FBH1: variants seen among roughly 807,000 people sequenced by gnomAD.
FBH1 encodes DNA 3'-5' helicase 1.
A neutral mutation model predicts 115.5 loss-of-function variants in FBH1; 43 were observed. That is an observed-to-expected ratio of 0.37 (90% CI 0.29 to 0.48). The LOEUF (loss-of-function observed/expected upper bound fraction) is 0.48, where lower values mean the gene tolerates loss of function less well. FBH1 is among the 20% of genes least tolerant of loss of function. FBH1 has a pLI of 0.99. For missense variants in FBH1, 1,001 were observed against 1,337.3 expected (o/e 0.75, Z 3.92); for synonymous variants, 524 against 507.8 (o/e 1.03, Z -0.43).
rs201012273 is a variant in FBH1, at chr10:5,936,572, G to A, written c.2946G>A (p.Lys982=). 1 of 1,613,988 alleles carries A rather than the reference G, an allele frequency of 6.2e-7. No individual in the cohort carries two copies. The highest frequency in any genetic ancestry group is 1.1e-5 in the South Asian group (1 of 91,082). ...TTGACACCGTCCTTACCATGAAGAA[G>A]CTGCCCATCACCTATGTACGTCTGC... The part of the protein sequence containing the change: ...IPVDTVLTMK[K]LPITYSNRKE... Residue 982 remains lysine, a synonymous_variant, in exon 20 of 21, where the codon AAG becomes AAA. Coordinates refer to ENST00000362091, the MANE Select transcript of FBH1 (RefSeq NM_178150.3). This position sits in a 1 kb window ranked among gnomAD's most constrained non-coding sequence, Gnocchi z 5.6.
chr10:5,924,521 G>A lies in FBH1; in HGVS notation c.2596+13G>A, dbSNP rs1282352814. ...TTGGACTTTGCAGGTAAGGGAAGCAGTTGGTTTTTACCTTCCCCCTAAGAG... is the reference window on the plus strand; with the variant it reads ...TTGGACTTTGCAGGTAAGGGAAGCAATTGGTTTTTACCTTCCCCCTAAGAG... On this transcript the variant is annotated intron_variant, in intron 17 of 20. Coordinates refer to ENST00000362091, the MANE Select transcript of FBH1 (RefSeq NM_178150.3). This position sits in a 1 kb window ranked among gnomAD's most constrained non-coding sequence, Gnocchi z 6.2. 1 of 1,613,020 alleles carries A rather than the reference G, an allele frequency of 6.2e-7. No homozygotes were observed. The highest frequency in any genetic ancestry group is 2.2e-5 in the East Asian group (1 of 44,844).
At chr10:5,908,837 C>T in intron 3 of FBH1, 88 bp from the exon 4 acceptor site, 2 of 1,456,666 alleles carry the variant, frequency 1.4e-6, no homozygotes, top group Non-Finnish European at 1.9e-6. Context: ...TCTCAAACTC[C>T]TGACCTCAGG....
In FBH1 at chr10:5,903,086, C is replaced by T. The variant is rs999418257; in HGVS notation, c.68C>T (p.Ala23Val). 1 of 1,613,906 alleles carries T rather than the reference C, an allele frequency of 6.2e-7. No homozygotes were observed. Among genetic ancestry groups the T allele is most frequent in the Non-Finnish European group, 8.5e-7 (1 of 1,179,910 alleles). ...CAGCATTTGGCTCGGAGTCACTTGG[C>T]TGTGACCCAGCCCTTCGGTCAAAGA... ...DCQHLARSHL[A>V]VTQPFGQRWT... is the part of the protein sequence containing the mutation. Residue 23 changes from alanine (A) to valine (V), a missense_variant, in exon 2 of 21, where the codon GCT becomes GTT. Ala to Val is a moderately conservative substitution (Grantham distance 64, BLOSUM62 0). Around this residue, in one of 4 missense-constraint regions of FBH1, gnomAD observed 420 missense variants for 430.4 expected, o/e 0.98. Coordinates refer to ENST00000362091, the MANE Select transcript of FBH1 (RefSeq NM_178150.3).
chr10:5,896,552 A>T (rs1241168387), intron 1 of FBH1, among the ~76,000 whole-genome samples: 1 of 152,116 alleles, frequency 6.6e-6, no homozygotes, highest in Non-Finnish European at 1.5e-5. Context: ...TGGTTTTTCT[A>T]CCCTGACACC....
rs1278856608 is a variant in FBH1 at position 5,924,878 on chromosome 10, T to A, written c.2596+370T>A. 2 of 390,706 alleles carry A rather than the reference T, an allele frequency of 5.1e-6. No individual in the cohort carries two copies. The highest frequency in any genetic ancestry group is 1.0e-5 in the Non-Finnish European group (2 of 197,568). 24.2% of individuals were successfully genotyped at this position (390,706 alleles called of 1,614,324 possible). On this transcript the variant is annotated intron_variant, in intron 17 of 20. Coordinates refer to ENST00000362091, the MANE Select transcript of FBH1 (RefSeq NM_178150.3). This position sits in a 1 kb window ranked among gnomAD's most constrained non-coding sequence, Gnocchi z 6.2. Reference sequence around the variant, plus strand: ...ACTGCGCCCAGCCTCTTCTGCTGTTTCTTCCCTGTGTGGAATATCTTTGAG... The same window carrying A: ...ACTGCGCCCAGCCTCTTCTGCTGTTACTTCCCTGTGTGGAATATCTTTGAG...
At position 5,924,012 on chromosome 10, in the gene FBH1, G is replaced by C; in HGVS notation, c.2399-299G>C. ...TTCCACGTGGGCCCCAAGTGATAGC[G>C]TCGAGCATTTCTATAGCGCTTTTCT... On this transcript the variant is annotated intron_variant, in intron 16 of 20. Coordinates refer to ENST00000362091, the MANE Select transcript of FBH1 (RefSeq NM_178150.3). The surrounding 1 kb of genome is among the most constrained non-coding windows in gnomAD (Gnocchi z 6.2). 1 of 560,094 alleles carries C rather than the reference G, an allele frequency of 1.8e-6. No individual in the cohort carries two copies. Among genetic ancestry groups the C allele is most frequent in the South Asian group, 2.2e-5 (1 of 44,770 alleles). 34.7% of individuals were successfully genotyped at this position (560,094 alleles called of 1,614,324 possible).
intron 2 of FBH1, among the ~76,000 whole-genome samples, chr10:5,904,031 A>T (rs919071922): frequency 6.6e-6 from 1 of 152,066 alleles, no homozygotes; most frequent in Non-Finnish European, 1.5e-5. Context: ...AACTAATTTC[A>T]GAATTCAACT....
At chr10:5,912,034 G>C (rs2131972175) in intron 6 of FBH1, among the ~76,000 whole-genome samples, 1 of 152,140 alleles carries the variant, frequency 6.6e-6, no homozygotes, top group East Asian at 1.9e-4. Context: ...AGGATGGACA[G>C]GGACAGTTGA....
rs541202287 is a variant in FBH1, at chr10:5,921,777, G to T, written c.2322+208G>T. On this transcript the variant is annotated intron_variant, in intron 15 of 20. Transcript: ENST00000362091. The surrounding 1 kb of genome is among the most constrained non-coding windows in gnomAD (Gnocchi z 6.4). ...ATTCCTGGAAAGGCAGACACAAGAA[G>T]GGCTGGGGACCTTAGTTTCCACTCT... Among the ~76,000 whole-genome samples, 4 of 152,344 alleles carry T rather than the reference G, an allele frequency of 2.6e-5. No homozygotes were observed. In the South Asian group the frequency reaches 8.3e-4, roughly 32 times the overall value.
rs1843073751 is a variant in FBH1 at position 5,897,390 on chromosome 10, T to C, written c.2-5630T>C. Among the ~76,000 whole-genome samples the C allele has an allele frequency of 6.6e-6, 1 of 150,500 alleles. No homozygotes were observed. The highest frequency in any genetic ancestry group is 1.5e-5 in the Non-Finnish European group (1 of 67,800). Reference sequence around the variant, plus strand: ...ATTGCAGAGGAGGTGGACACAGGGCTCCTGCGGAGGAGGTGGACACAGGGC... The same window carrying C: ...ATTGCAGAGGAGGTGGACACAGGGCCCCTGCGGAGGAGGTGGACACAGGGC... On this transcript the variant is annotated intron_variant, in intron 1 of 20. Coordinates refer to ENST00000362091, the MANE Select transcript of FBH1 (RefSeq NM_178150.3). This position sits in a 1 kb window ranked among gnomAD's most constrained non-coding sequence, Gnocchi z 4.7.
At chr10:5,890,742 C>T (rs757274026) in intron 1 of FBH1, among the ~76,000 whole-genome samples, 1 of 152,144 alleles carries the variant, frequency 6.6e-6, no homozygotes, top group Non-Finnish European at 1.5e-5. Context: ...TTTTTCGCTG[C>T]CCTCTGCCCC....
At chr10:5,903,572 A>T (rs890582635) in intron 2 of FBH1, among the ~76,000 whole-genome samples, 2 of 151,380 alleles carry the variant, frequency 1.3e-5, no homozygotes, top group Admixed American at 1.3e-4. Context: ...CAGGTGATCC[A>T]CCCGCCTCGG....
At chr10:5,903,451 C>T (rs1242880060) in intron 2 of FBH1, among the ~76,000 whole-genome samples, 1 of 151,608 alleles carries the variant, frequency 6.6e-6, no homozygotes, top group Admixed American at 6.6e-5. Context: ...CTGCCTCCGC[C>T]TCCTGAGTAG....
Position 5,917,368 on chromosome 10 carries a change from CT to C in FBH1, c.1789-51del. 6.7e-7 allele frequency: 1 copy of C among 1,495,510 alleles called. No homozygotes were observed. Among genetic ancestry groups the C allele is most frequent in the South Asian group, 1.1e-5 (1 of 86,966 alleles). The allele number at this position is 1,495,510 out of a possible 1,614,324, so 92.6% of individuals were successfully genotyped here. On this transcript the variant is annotated intron_variant, in intron 10 of 20. Coordinates refer to ENST00000362091, the MANE Select transcript of FBH1 (RefSeq NM_178150.3). The surrounding 1 kb of genome is among the most constrained non-coding windows in gnomAD (Gnocchi z 5.6). ...GAGTTGACAGTGTGACCGCAGGGTG[CT>C]GCCTTTGCCAGGGTCTCAAACTCTG...
Position 5,909,409 on chromosome 10 carries a change from T to C in FBH1, c.1020+115T>C. 1 of 1,231,328 alleles carries C rather than the reference T, an allele frequency of 8.1e-7. No homozygotes were observed. The allele number at this position is 1,231,328 out of a possible 1,614,324, so 76.3% of individuals were successfully genotyped here. A position where few individuals can be genotyped will look rare whatever the true frequency, so the allele number is the denominator to read the frequency against. ...ATTTATTTTTAATGTCTGTATTTAA[T>C]CTCTGAATGCTTTGAAGCATTCATG... On this transcript the variant is annotated intron_variant, in intron 5 of 20. Transcript: ENST00000362091. The surrounding 1 kb of genome is among the most constrained non-coding windows in gnomAD (Gnocchi z 4.4).
At chr10:5,889,912 G>T, upstream of FBH1, 1 of 166,692 alleles carries the variant, frequency 6.0e-6, no homozygotes, top group Non-Finnish European at 1.3e-5. Context: ...GCCCCTGGGG[G>T]CCGGCGTTCC....
Position 5,937,517 on chromosome 10 carries a change from T to TAA in FBH1, c.*253_*254dup, listed in dbSNP as rs58766013. The TAA allele has an allele frequency of 8.3e-5, 23 of 276,208 alleles. No individual in the cohort carries two copies. Among genetic ancestry groups the TAA allele is most frequent in the Non-Finnish European group, 9.9e-5 (15 of 152,034 alleles). The allele number at this position is 276,208 out of a possible 1,614,324, so 17.1% of individuals were successfully genotyped here. A position where few individuals can be genotyped will look rare whatever the true frequency, so the allele number is the denominator to read the frequency against. On this transcript the variant is annotated 3_prime_UTR_variant, in exon 21 of 21. Transcript: ENST00000362091. The stretch of plus-strand genomic sequence containing the variant: ...AGGGAAGTGGGGGATGTTCTTTTGA[T>TAA]AAAAAAAAAAAAAAAAATTTATGTA...
At position 5,925,315 on chromosome 10, in the gene FBH1, T is replaced by C. The variant is rs1324958197; in HGVS notation, c.2597-52T>C. 8.1e-6 allele frequency: 13 copies of C among 1,598,446 alleles called. No individual in the cohort carries two copies. The South Asian group carries it at 1.5e-4, about 18-fold the overall frequency. ...GGAAACATGTATGTTTTTGTCATCT[T>C]GTTTCTTTCCCTTTGAAGCACCATC... is the stretch of plus-strand genomic sequence containing the variant. On this transcript the variant is annotated intron_variant, in intron 17 of 20. Transcript: ENST00000362091. The surrounding 1 kb of genome is among the most constrained non-coding windows in gnomAD (Gnocchi z 4.6).
Position 5,937,311 on chromosome 10 carries a change from G to A in FBH1, c.*31G>A. 6.7e-7 allele frequency: 1 copy of A among 1,498,344 alleles called. No homozygotes were observed. Among genetic ancestry groups the A allele is most frequent in the South Asian group, 1.3e-5 (1 of 74,240 alleles). The allele number at this position is 1,498,344 out of a possible 1,614,324, so 92.8% of individuals were successfully genotyped here. A position where few individuals can be genotyped will look rare whatever the true frequency, so the allele number is the denominator to read the frequency against. Reference sequence around the variant, plus strand: ...AGGCGCACGTTCTCCGCAGTGCAGAGCAGCTTGCCGAGGACCCCGCGTGAA... The same window carrying A: ...AGGCGCACGTTCTCCGCAGTGCAGAACAGCTTGCCGAGGACCCCGCGTGAA... On this transcript the variant is annotated 3_prime_UTR_variant, in exon 21 of 21. Transcript: ENST00000362091.
Sources: allele counts gnomAD v4.1 joint callset (sites outside exome capture counted in the v4.1 genomes callset), GRCh38; gene constraint gnomAD v4.1.1; regional missense constraint gnomAD v4.1.1; non-coding constraint Gnocchi (gnomAD v3.1); transcripts MANE v1.5; gene names NCBI Gene and HGNC (gene_info 2026-07-23, HGNC 2026-07-21).